The following SNAP25 variants were observed in gnomAD, a reference collection of about 807,000 sequenced individuals.
SNAP25 encodes synaptosomal-associated protein 25.
Under a neutral mutation model 28.7 loss-of-function variants are expected in SNAP25, and 3 were observed. The ratio of observed to expected loss-of-function variants is 0.10; its 90% confidence interval spans 0.05 to 0.27. The LOEUF is 0.27. Among genes scored for constraint, SNAP25 ranks in the 10% least tolerant of loss-of-function variants. The pLI, the probability that SNAP25 is intolerant of heterozygous loss-of-function variation, is 1.00. For synonymous variants in SNAP25, 61 were observed against 88.1 expected, an observed-to-expected ratio of 0.69 and a Z score of 1.72; for missense variants, 117 against 278.7, an observed-to-expected ratio of 0.42 and a Z score of 4.13.
At chr20:10,286,756 G>A (rs2063887682) in intron 4 of SNAP25, among the ~76,000 whole-genome samples, 1 of 152,082 alleles carries the variant, frequency 6.6e-6, no homozygotes, top group Non-Finnish European at 1.5e-5. Flanking sequence ...TGAAAAAAAA[G>A]TTGAACATAA....
At chr20:10,235,279 T>C (rs189914047) in intron 1 of SNAP25, among the ~76,000 whole-genome samples, 33 of 152,308 alleles carry the variant, frequency 2.2e-4, no homozygotes, top group African/African-American at 7.7e-4. Flanking sequence ...GGGGACTATA[T>C]AGGAAACCAA....
chr20:10,243,973 A>G (rs2063081761), intron 1 of SNAP25, among the ~76,000 whole-genome samples: 1 of 152,158 alleles, frequency 6.6e-6, no homozygotes, highest in Non-Finnish European at 1.5e-5. Flanking sequence ...CAAATGATCT[A>G]GGACTTTGCA....
chr20:10,283,203 T>C (rs1319357479), intron 3 of SNAP25, among the ~76,000 whole-genome samples: 5 of 152,226 alleles, frequency 3.3e-5, no homozygotes, highest in African/African-American at 4.8e-5. Context: ...GAAACACTTA[T>C]TTTAGAAACA....
chr20:10,232,093 G>T (rs2062838649), intron 1 of SNAP25, among the ~76,000 whole-genome samples: 2 of 152,148 alleles, frequency 1.3e-5, no homozygotes, highest in African/African-American at 2.4e-5. Flanking sequence ...CATTACCAAA[G>T]CTCTCTCTTT....
At chr20:10,288,933 T>C (rs2063938928) in intron 4 of SNAP25, among the ~76,000 whole-genome samples, 1 of 152,162 alleles carries the variant, frequency 6.6e-6, no homozygotes, top group South Asian at 2.1e-4. Context: ...TAATTTTGCC[T>C]TTACTTGTTT....
intron 1 of SNAP25, among the ~76,000 whole-genome samples, chr20:10,274,736 G>C (rs185051856): frequency 3.9e-5 from 6 of 152,066 alleles, no homozygotes; most frequent in Non-Finnish European, 8.8e-5. Context: ...CCAGCTACTC[G>C]GGAGGCTGAG....
chr20:10,235,543 G>A (rs1047138145), intron 1 of SNAP25, among the ~76,000 whole-genome samples: 1 of 152,204 alleles, frequency 6.6e-6, no homozygotes, highest in South Asian at 2.1e-4. Context: ...TCAAGTAGAG[G>A]GAGGAGTGGA....
At chr20:10,228,415 A>G (rs2062769798) in intron 1 of SNAP25, among the ~76,000 whole-genome samples, 1 of 152,140 alleles carries the variant, frequency 6.6e-6, no homozygotes, top group Admixed American at 6.5e-5. Flanking sequence ...TCTAACAGAA[A>G]GCACACTGCT....
chr20:10,229,244 C>T lies in SNAP25; in HGVS notation c.-64+10267C>T, dbSNP rs149708214. On this transcript the variant is annotated intron_variant, in intron 1 of 7. Coordinates refer to ENST00000254976, the MANE Select transcript of SNAP25 (RefSeq NM_130811.4). ...TCTGTTGGCTTCATTTTATATTCAGCTTTGTGTTAAGGATTTTTGTTGGGG... is the reference window on the plus strand; with the variant it reads ...TCTGTTGGCTTCATTTTATATTCAGTTTTGTGTTAAGGATTTTTGTTGGGG... 2.6e-5 allele frequency among the ~76,000 whole-genome samples: 4 copies of T among 152,170 alleles called. No homozygotes were observed. In the East Asian group the frequency reaches 5.8e-4, roughly 22 times the overall value.
At chr20:10,226,718 A>G (rs1363444198) in intron 1 of SNAP25, among the ~76,000 whole-genome samples, 1 of 152,186 alleles carries the variant, frequency 6.6e-6, no homozygotes, top group Non-Finnish European at 1.5e-5. Flanking sequence ...AGATTGCTAT[A>G]TCATAAACAA....
chr20:10,250,795 A>C (rs551585958), intron 1 of SNAP25, among the ~76,000 whole-genome samples: 1 of 152,354 alleles, frequency 6.6e-6, no homozygotes, highest in South Asian at 2.1e-4. Flanking sequence ...ATACCAGATT[A>C]TTACTGTACC....
intron 4 of SNAP25, among the ~76,000 whole-genome samples, chr20:10,290,646 C>T (rs2063976697): frequency 9.6e-6 from 1 of 104,102 alleles, no homozygotes; most frequent in Non-Finnish European, 2.0e-5. Context: ...AATATTTTGG[C>T]CAAAAAAAAA....
intron 1 of SNAP25, among the ~76,000 whole-genome samples, chr20:10,252,551 GT>G (rs574559321): frequency 1.5e-3 from 230 of 152,238 alleles, no homozygotes; most frequent in Non-Finnish European, 2.2e-3. Flanking sequence ...TTTTATTGTA[GT>G]GATGGTTTCA....
chr20:10,251,013 G>C (rs1315886451), intron 1 of SNAP25, among the ~76,000 whole-genome samples: 2 of 152,110 alleles, frequency 1.3e-5, no homozygotes, highest in Non-Finnish European at 2.9e-5. Flanking sequence ...ATCACCTAAT[G>C]ACGCATTTCC....
At chr20:10,249,974 G>A (rs1270894330) in intron 1 of SNAP25, among the ~76,000 whole-genome samples, 2 of 152,124 alleles carry the variant, frequency 1.3e-5, no homozygotes, top group African/African-American at 4.8e-5. Flanking sequence ...CACCCTCAGA[G>A]ATTCCAATTC....
chr20:10,251,620 C>T (rs1472343144), intron 1 of SNAP25, among the ~76,000 whole-genome samples: 2 of 152,186 alleles, frequency 1.3e-5, no homozygotes, highest in Non-Finnish European at 2.9e-5. Context: ...TGTCCTACCT[C>T]CAAAAAGGAA....
chr20:10,224,180 G>A (rs1176239030), intron 1 of SNAP25, among the ~76,000 whole-genome samples: 2 of 141,528 alleles, frequency 1.4e-5, no homozygotes, highest in Admixed American at 7.2e-5. Flanking sequence ...ATTAAGCTAT[G>A]AAGTGTATTT....
chr20:10,233,539 A>G (rs1023280648), intron 1 of SNAP25, among the ~76,000 whole-genome samples: 6 of 152,138 alleles, frequency 3.9e-5, no homozygotes, highest in Non-Finnish European at 8.8e-5. Flanking sequence ...GCCCAGTGTA[A>G]AGCTGAGTTG....
intron 3 of SNAP25, among the ~76,000 whole-genome samples, chr20:10,280,518 A>C (rs1051112705): frequency 6.6e-6 from 1 of 152,216 alleles, no homozygotes; most frequent in Non-Finnish European, 1.5e-5. Flanking sequence ...TGCAAATTCA[A>C]GGCCATATTT....
Sources: allele counts gnomAD v4.1 joint callset (sites outside exome capture counted in the v4.1 genomes callset), GRCh38; gene constraint gnomAD v4.1.1; transcripts MANE v1.5; gene names NCBI Gene and HGNC (gene_info 2026-07-23, HGNC 2026-07-21).